FUT8: variants seen among roughly 807,000 people sequenced by gnomAD.
FUT8 encodes alpha-(1,6)-fucosyltransferase.
A neutral mutation model predicts 71.3 loss-of-function variants in FUT8; 29 were observed. The observed-to-expected ratio is 0.41, with a 90% CI of 0.30 to 0.55. The LOEUF (loss-of-function observed/expected upper bound fraction) is 0.55, where lower values mean the gene tolerates loss of function less well. Among genes scored for constraint, FUT8 ranks in the 20% least tolerant of loss-of-function variants. The pLI is 0.34. For missense variants in FUT8, 544 were observed against 702.1 expected (o/e 0.77, Z 2.55); for synonymous variants, 254 against 239.3 (o/e 1.06, Z -0.57).
At chr14:65,644,010 T>A (rs1890995393) in intron 6 of FUT8, among the ~76,000 whole-genome samples, 1 of 152,114 alleles carries the variant, frequency 6.6e-6, no homozygotes, top group Non-Finnish European at 1.5e-5. Context: ...TTAAAGCAGG[T>A]CTGGTTTCCA....
At chr14:65,478,129 G>A (rs1479704440) in intron 2 of FUT8, among the ~76,000 whole-genome samples, 2 of 151,998 alleles carry the variant, frequency 1.3e-5, no homozygotes, top group African/African-American at 4.8e-5. Flanking sequence ...TTTAAAGAGA[G>A]CGTTCCCCCC....
intron 2 of FUT8, among the ~76,000 whole-genome samples, chr14:65,528,358 A>C (rs1477730059): frequency 6.6e-6 from 1 of 152,204 alleles, no homozygotes; most frequent in Non-Finnish European, 1.5e-5. Flanking sequence ...CAGGCGCGGG[A>C]TATAATCTCC....
chr14:65,629,547 C>T lies in FUT8; in HGVS notation c.538C>T (p.Arg180Trp), dbSNP rs752943058. ...TCAGACAGATGGAGCAGGTGATTGG[C>T]GGGAAAAAGAGGCCAAAGATCTGAC... ...LSQTDGAGDW[R>W]EKEAKDLTEL... The change falls in exon 6 of 11, where the codon CGG becomes TGG. Residue 180 changes from arginine to tryptophan, a missense_variant. Physicochemically the swap from Arg to Trp is moderately radical, Grantham distance 101. Transcript: ENST00000673929. 5.0e-6 allele frequency: 8 copies of T among 1,613,272 alleles called. No homozygotes were observed. The highest frequency in any genetic ancestry group is 1.7e-5 in the Admixed American group (1 of 59,964).
rs754223264 is a variant in FUT8 at position 65,603,139 on chromosome 14, A to G, written c.204-12839A>G. On this transcript the variant is annotated intron_variant, in intron 3 of 10. Coordinates refer to ENST00000673929, the MANE Select transcript of FUT8 (RefSeq NM_001371533.1). This position sits in a 1 kb window ranked among gnomAD's most constrained non-coding sequence, Gnocchi z 4.5. ...GGTCTTAGATTTAAGTCCTTGATCC[A>G]TCTTGAGTTGATTTTTGTGTAAGGT... is the stretch of plus-strand genomic sequence containing the variant. Among the ~76,000 whole-genome samples, 3 of 151,976 alleles carry G rather than the reference A, an allele frequency of 2.0e-5. No individual in the cohort carries two copies. The highest frequency in any genetic ancestry group is 4.4e-5 in the Non-Finnish European group (3 of 67,964).
At chr14:65,576,366 C>T (rs1886774631) in intron 3 of FUT8, among the ~76,000 whole-genome samples, 1 of 152,088 alleles carries the variant, frequency 6.6e-6, no homozygotes, top group African/African-American at 2.4e-5. Context: ...TTTGTGTGAA[C>T]CAGGATGGTT....
In FUT8 at chr14:65,549,685, C is replaced by T. The variant is rs141790722; in HGVS notation, c.-227-11652C>T. On this transcript the variant is annotated intron_variant, in intron 2 of 10. Transcript: ENST00000673929. The stretch of plus-strand genomic sequence containing the variant: ...AATGATGATGGATGAGTTTCATTTG[C>T]CTTTTATCATTTGAACGGTTTTTTG... Among the ~76,000 whole-genome samples the T allele has an allele frequency of 4.9e-4, 75 of 152,188 alleles. No homozygotes were observed. The East Asian group carries it at 0.011, about 23-fold the overall frequency.
At chr14:65,659,008 A>G (rs1209677491) in intron 6 of FUT8, among the ~76,000 whole-genome samples, 1 of 152,114 alleles carries the variant, frequency 6.6e-6, no homozygotes, top group East Asian at 1.9e-4. Flanking sequence ...GGTACGCTGT[A>G]AGTATAGTAA....
intron 7 of FUT8, among the ~76,000 whole-genome samples, chr14:65,703,850 A>G (rs922485843): frequency 6.6e-5 from 10 of 152,240 alleles, no homozygotes; most frequent in Admixed American, 2.6e-4. Context: ...CAATTTGTAC[A>G]GCACTTTAGC....
rs147280089 is a variant in FUT8 at position 65,583,276 on chromosome 14, G to T, written c.203+21510G>T. 1.4e-4 allele frequency among the ~76,000 whole-genome samples: 22 copies of T among 152,192 alleles called. No homozygotes were observed. In the East Asian group the frequency reaches 4.1e-3, roughly 28 times the overall value. On this transcript the variant is annotated intron_variant, in intron 3 of 10. Transcript: ENST00000673929. The stretch of plus-strand genomic sequence containing the variant: ...GCTCACTGCAGCCTCAACCACCTGG[G>T]CTCAAGTGATCCTCTTGGTTCAGCC...
At chr14:65,587,831 A>G (rs1887475606) in intron 3 of FUT8, among the ~76,000 whole-genome samples, 1 of 152,192 alleles carries the variant, frequency 6.6e-6, no homozygotes. Flanking sequence ...ACAAATGTGA[A>G]TTCTGTAACA....
rs554076378 is a variant in FUT8, at chr14:65,478,150, A to T, written c.-228+22432A>T. On this transcript the variant is annotated intron_variant, in intron 2 of 10. Coordinates refer to ENST00000673929, the MANE Select transcript of FUT8 (RefSeq NM_001371533.1). ...GAGAGCGTTCCCCCCTCTACCCCAG[A>T]TAGTATCTATCTTTGAGGTTTTGAG... Among the ~76,000 whole-genome samples the T allele has an allele frequency of 6.4e-3, 976 of 152,154 alleles. 16 individuals are homozygous for T. The highest frequency in any genetic ancestry group is 0.022 in the African/African-American group (909 of 41,518).
chr14:65,450,359 A>G (rs1832960198), intron 1 of FUT8, among the ~76,000 whole-genome samples: 2 of 152,140 alleles, frequency 1.3e-5, no homozygotes, highest in Admixed American at 1.3e-4. Context: ...TCATGGAGAT[A>G]ACTTAAGATG....
intron 1 of FUT8, among the ~76,000 whole-genome samples, chr14:65,429,776 T>A (rs1439840318): frequency 1.4e-5 from 2 of 142,548 alleles, no homozygotes; most frequent in Non-Finnish European, 3.0e-5. Flanking sequence ...GTTGGGAGGA[T>A]CACTTGAGCA....
chr14:65,742,014 C>A (rs1896527433), intron 10 of FUT8, 79 bp from the exon 11 acceptor site: 7 of 1,183,570 alleles, frequency 5.9e-6, no homozygotes, highest in Non-Finnish European at 8.5e-6. Context: ...TAGAGCCCAT[C>A]CTTTTGGCCA....
chr14:65,434,458 G>A lies in FUT8; in HGVS notation c.-325-21163G>A, dbSNP rs1323128451. Among the ~76,000 whole-genome samples, 3 of 152,178 alleles carry A rather than the reference G, an allele frequency of 2.0e-5. No individual in the cohort carries two copies. The East Asian group carries it at 5.8e-4, about 29-fold the overall frequency. ...CATTAACATCAGAACCACACAAATC[G>A]GGGGTAGTGTCAGTTCCCCAGAGGA... On this transcript the variant is annotated intron_variant, in intron 1 of 10. Coordinates refer to ENST00000673929, the MANE Select transcript of FUT8 (RefSeq NM_001371533.1).
At chr14:65,524,914 G>A (rs1288609465) in intron 2 of FUT8, among the ~76,000 whole-genome samples, 1 of 152,188 alleles carries the variant, frequency 6.6e-6, no homozygotes, top group Non-Finnish European at 1.5e-5. Context: ...TTGCATCCCA[G>A]GGATGAAGCC....
rs199762339 is a variant in FUT8, at chr14:65,523,747, T to A, written c.-227-37590T>A. ...CTTTAATCCATCTTGAATTAATTTT[T>A]GTATAAGGTGTAAGGAAGGGATCCA... is the stretch of plus-strand genomic sequence containing the variant. On this transcript the variant is annotated intron_variant, in intron 2 of 10. Coordinates refer to ENST00000673929, the MANE Select transcript of FUT8 (RefSeq NM_001371533.1). 3.9e-5 allele frequency among the ~76,000 whole-genome samples: 6 copies of A among 152,350 alleles called. No homozygotes were observed. The East Asian group carries it at 9.6e-4, about 24-fold the overall frequency.
intron 6 of FUT8, among the ~76,000 whole-genome samples, chr14:65,633,595 C>T (rs1211122855): frequency 6.6e-6 from 1 of 151,868 alleles, no homozygotes. Flanking sequence ...GCCCGGCCGC[C>T]CATCGTCTGA....
At chr14:65,601,172 A>G (rs1251810757) in intron 3 of FUT8, among the ~76,000 whole-genome samples, 2 of 152,210 alleles carry the variant, frequency 1.3e-5, no homozygotes, top group Non-Finnish European at 2.9e-5. Context: ...AAAATTATAA[A>G]TAAATAAATT....
Sources: allele counts gnomAD v4.1 joint callset (sites outside exome capture counted in the v4.1 genomes callset), GRCh38; gene constraint gnomAD v4.1.1; non-coding constraint Gnocchi (gnomAD v3.1); transcripts MANE v1.5; gene names NCBI Gene and HGNC (gene_info 2026-07-23, HGNC 2026-07-21).